The following DNAH11 variants were observed in gnomAD, a reference collection of about 807,000 sequenced individuals.
The protein encoded by DNAH11 is axonemal beta dynein heavy chain 11.
DNAH11 carries 442 observed loss-of-function variants against 526.0 expected under a neutral mutation model. The observed-to-expected ratio is 0.84, with a 90% CI of 0.78 to 0.91. The LOEUF (loss-of-function observed/expected upper bound fraction) is 0.91. DNAH11 is among the 40% of genes least tolerant of loss of function. The probability of loss-of-function intolerance (pLI) is 0.00; values close to 1 mark genes in which losing one functional copy is unlikely to be tolerated. For missense variants in DNAH11, 6,989 were observed against 5,448.7 expected (o/e 1.28, Z -8.90); for synonymous variants, 2,461 against 1,935.9 (o/e 1.27, Z -7.12).
At position 21,543,464 on chromosome 7, in the gene DNAH11, G is replaced by A. The variant is rs1051931486; in HGVS notation, c.219G>A (p.Thr73=). 2.3e-5 allele frequency: 36 copies of A among 1,582,198 alleles called. No homozygotes were observed. Among genetic ancestry groups the A allele is most frequent in the African/African-American group, 4.0e-5 (3 of 74,468 alleles). ...GCCTGGCGATGATGCTGGGGTTCAC[G>A]GAGGAGAAATGGAGCCAGTATTTGG... ...GGRLAMMLGF[T]EEKWSQYLES... Residue 73 remains threonine, a synonymous_variant, in exon 1 of 82, where the codon ACG becomes ACA. Transcript: ENST00000409508.
intron 46 of DNAH11, 24 bp from the exon 47 acceptor site, chr7:21,738,677 G>A: frequency 6.5e-7 from 1 of 1,538,404 alleles, no homozygotes; most frequent in Non-Finnish European, 8.7e-7. Flanking sequence ...TTGATGGGTG[G>A]ACAGAAATAT....
chr7:21,560,629 G>A (rs1485571323), intron 4 of DNAH11, among the ~76,000 whole-genome samples: 1 of 151,714 alleles, frequency 6.6e-6, no homozygotes, highest in Non-Finnish European at 1.5e-5. Flanking sequence ...GACTCAGGAA[G>A]TCTGCTTTTC....
rs149607292 is a variant in DNAH11, at chr7:21,597,360, A to G, written c.2668-2427A>G. On this transcript the variant is annotated intron_variant, in intron 14 of 81. Transcript: ENST00000409508. The stretch of plus-strand genomic sequence containing the variant: ...CTAGCTCAGCTATTAACTTCCTACT[A>G]GTGCGACGCTGAATGTGTATTAGGT... Among the ~76,000 whole-genome samples, 204 of 152,282 alleles carry G rather than the reference A, an allele frequency of 1.3e-3. 1 individual carries two copies. The highest frequency in any genetic ancestry group is 4.7e-3 in the African/African-American group (197 of 41,552).
At chr7:21,656,819 C>G (rs1177953034) in intron 29 of DNAH11, among the ~76,000 whole-genome samples, 2 of 152,096 alleles carry the variant, frequency 1.3e-5, no homozygotes, top group African/African-American at 2.4e-5. Context: ...CCAGAAAAAT[C>G]CTGCCAAATG....
At chr7:21,606,783 A>G in intron 20 of DNAH11, 50 bp downstream of exon 20, 1 of 1,467,944 alleles carries the variant, frequency 6.8e-7, no homozygotes, top group Non-Finnish European at 9.3e-7. Context: ...CTACTTTAAA[A>G]AATGTAAGTT....
chr7:21,588,113 T>A lies in DNAH11; in HGVS notation c.1760T>A (p.Ile587Asn), dbSNP rs1162751840. The A allele has an allele frequency of 1.2e-6, 2 of 1,613,312 alleles. No homozygotes were observed. The highest frequency in any genetic ancestry group is 1.7e-6 in the Non-Finnish European group (2 of 1,179,682). ...CTAGAGAAGCCAGTTGTCATGGAAA[T>A]TTTCAGCCTACATTACAGCACACTA... is the stretch of plus-strand genomic sequence containing the variant. ...NFLEKPVVME[I>N]FSLHYSTLVH... is the part of the protein sequence containing the mutation. The change falls in exon 10 of 82, where the codon ATT (isoleucine) becomes AAT (asparagine). Residue 587 changes from isoleucine (I) to asparagine (N), a missense_variant. Physicochemically the swap from Ile to Asn is moderately radical, Grantham distance 149. Coordinates refer to ENST00000409508, the MANE Select transcript of DNAH11 (RefSeq NM_001277115.2).
chr7:21,755,097 C>T (rs17145249), intron 54 of DNAH11, among the ~76,000 whole-genome samples: 6,925 of 152,238 alleles, frequency 0.045, 326 homozygotes, highest in East Asian at 0.27. Flanking sequence ...GAAGTTGCCA[C>T]CCCATTACCC....
intron 76 of DNAH11, among the ~76,000 whole-genome samples, chr7:21,888,301 G>A (rs1253174402): frequency 4.6e-5 from 7 of 152,098 alleles, no homozygotes; most frequent in Admixed American, 4.6e-4. Context: ...ACAATGAACT[G>A]GAGCTTCTTG....
At chr7:21,742,543 A>G (rs187095820) in intron 49 of DNAH11, among the ~76,000 whole-genome samples, 2 of 152,254 alleles carry the variant, frequency 1.3e-5, no homozygotes, top group Non-Finnish European at 2.9e-5. Flanking sequence ...TTGATGAAGG[A>G]TCTGCCCCCA....
At chr7:21,881,314 G>C (rs372475604) in intron 75 of DNAH11, among the ~76,000 whole-genome samples, 1 of 152,082 alleles carries the variant, frequency 6.6e-6, no homozygotes, top group East Asian at 1.9e-4. Context: ...AATTTACAGC[G>C]CGTCACATGT....
intron 66 of DNAH11, among the ~76,000 whole-genome samples, chr7:21,847,131 T>A (rs544312913): frequency 6.6e-6 from 1 of 152,180 alleles, no homozygotes; most frequent in Non-Finnish European, 1.5e-5. Context: ...TCCTTTCAAA[T>A]AATCAGCTTT....
intron 58 of DNAH11, among the ~76,000 whole-genome samples, chr7:21,785,395 G>T (rs531096992): frequency 6.6e-6 from 1 of 152,072 alleles, no homozygotes; most frequent in African/African-American, 2.4e-5. Flanking sequence ...TGATTATTAT[G>T]CATTCAAATA....
Position 21,713,994 on chromosome 7 carries a change from C to T in DNAH11, c.6983+2134C>T, listed in dbSNP as rs113001465. ...CCCTCTGTACAGAGAACCCAGGCACCACAGTGCGTGGCAGCATTCATTTCC... is the reference window on the plus strand; with the variant it reads ...CCCTCTGTACAGAGAACCCAGGCACTACAGTGCGTGGCAGCATTCATTTCC... On this transcript the variant is annotated intron_variant, in intron 42 of 81. Coordinates refer to ENST00000409508, the MANE Select transcript of DNAH11 (RefSeq NM_001277115.2). Among the ~76,000 whole-genome samples the T allele has an allele frequency of 9.6e-3, 1,463 of 152,264 alleles. 19 individuals carry two copies. The highest frequency in any genetic ancestry group is 0.033 in the African/African-American group (1,383 of 41,554).
chr7:21,606,401 C>T (rs763164139), intron 18 of DNAH11, 25 bp from the exon 19 acceptor site: 94 of 1,549,856 alleles, frequency 6.1e-5, no homozygotes, highest in East Asian at 1.1e-4. Context: ...GAAGTAATTT[C>T]GCATTTGTGC....
chr7:21,781,020 A>C (rs903840005), intron 57 of DNAH11, among the ~76,000 whole-genome samples: 1 of 152,210 alleles, frequency 6.6e-6, no homozygotes, highest in African/African-American at 2.4e-5. Context: ...TTCATGGAAG[A>C]AAGTTCTTTT....
chr7:21,648,733 G>A (rs1787486781), intron 28 of DNAH11, among the ~76,000 whole-genome samples: 1 of 152,204 alleles, frequency 6.6e-6, no homozygotes, highest in Non-Finnish European at 1.5e-5. Context: ...ATTTATATAT[G>A]TGTATGTGGA....
chr7:21,757,219 A>G (rs1786676857), intron 54 of DNAH11, among the ~76,000 whole-genome samples: 1 of 152,236 alleles, frequency 6.6e-6, no homozygotes, highest in Non-Finnish European at 1.5e-5. Flanking sequence ...ATCTTGGGAC[A>G]GCCATACTTT....
At chr7:21,853,088 G>A (rs914486160) in intron 67 of DNAH11, among the ~76,000 whole-genome samples, 2 of 152,198 alleles carry the variant, frequency 1.3e-5, no homozygotes, top group African/African-American at 4.8e-5. Context: ...ATCTCCTGCT[G>A]TACTCAAATG....
At position 21,742,108 on chromosome 7, in the gene DNAH11, C is replaced by G; in HGVS notation, c.8096C>G (p.Pro2699Arg). 6.2e-7 allele frequency: 1 copy of G among 1,613,856 alleles called. No individual in the cohort carries two copies. Among genetic ancestry groups the G allele is most frequent in the Non-Finnish European group, 8.5e-7 (1 of 1,179,816 alleles). ...FHQTMMCNFL[P>R]TAIKFHYIFN... is the part of the protein sequence containing the mutation. ...CAGACAATGATGTGTAACTTTTTAC[C>G]CACGGCTATTAAATTCCACTACATC... is the stretch of plus-strand genomic sequence containing the variant. The change falls in exon 49 of 82, where the codon CCC becomes CGC. Residue 2699 changes from proline to arginine, a missense_variant. By Grantham distance (103) the Pro-to-Arg change is moderately radical. Transcript: ENST00000409508.
Sources: allele counts gnomAD v4.1 joint callset (sites outside exome capture counted in the v4.1 genomes callset), GRCh38; gene constraint gnomAD v4.1.1; transcripts MANE v1.5; gene names NCBI Gene and HGNC (gene_info 2026-07-23, HGNC 2026-07-21).